PTPRD: variants seen among roughly 807,000 people sequenced by gnomAD.
The protein encoded by PTPRD is protein tyrosine phosphatase receptor type D.
Under a neutral mutation model 214.5 loss-of-function variants are expected in PTPRD, and 34 were observed. The observed-to-expected ratio is 0.16, with a 90% confidence interval of 0.12 to 0.21. PTPRD has a LOEUF of 0.21. Ranked by LOEUF, PTPRD falls within the 10% of genes least tolerant of loss-of-function variation. PTPRD has a pLI of 1.00. For synonymous variants in PTPRD, 1,128 were observed against 845.7 expected (o/e 1.33, Z -5.79); for missense variants, 2,545 against 2,398.7 (o/e 1.06, Z -1.27).
chr9:10,588,251 C>G (rs76540752), intron 2 of PTPRD, among the ~76,000 whole-genome samples: 3,280 of 152,004 alleles, frequency 0.022, 118 homozygotes, highest in African/African-American at 0.075. Flanking sequence ...TTTGTTGACT[C>G]CAAGGTTTGT....
intron 2 of PTPRD, among the ~76,000 whole-genome samples, chr9:10,375,717 C>T (rs1318658519): frequency 6.6e-6 from 1 of 151,884 alleles, no homozygotes; most frequent in Non-Finnish European, 1.5e-5. Context: ...GAGAAGAGTA[C>T]TTGAAGTTAT....
At chr9:8,893,172 G>A (rs1404022693) in intron 11 of PTPRD, among the ~76,000 whole-genome samples, 1 of 151,936 alleles carries the variant, frequency 6.6e-6, no homozygotes, top group East Asian at 1.9e-4. Context: ...AAATAGGAAC[G>A]GACCAAGAGA....
At chr9:8,362,147 G>C (rs888793206) in intron 39 of PTPRD, among the ~76,000 whole-genome samples, 10 of 152,186 alleles carry the variant, frequency 6.6e-5, no homozygotes, top group Non-Finnish European at 1.2e-4. Context: ...TATTATCTCA[G>C]ATTTTAAAGA....
intron 12 of PTPRD, among the ~76,000 whole-genome samples, chr9:8,727,791 T>C (rs1020323492): frequency 2.0e-5 from 3 of 152,182 alleles, no homozygotes; most frequent in African/African-American, 7.2e-5. Context: ...TAGCTAGGAC[T>C]ACAGATATGT....
intron 5 of PTPRD, among the ~76,000 whole-genome samples, chr9:9,863,248 G>C (rs1211200936): frequency 6.6e-6 from 1 of 152,174 alleles, no homozygotes; most frequent in Non-Finnish European, 1.5e-5. Context: ...GACAAAGACA[G>C]AATGGAAGTG....
chr9:8,490,053 T>C (rs1464587541), intron 27 of PTPRD, among the ~76,000 whole-genome samples: 3 of 152,172 alleles, frequency 2.0e-5, no homozygotes, highest in Non-Finnish European at 4.4e-5. Context: ...ACTACTTTTA[T>C]AAGTCATGCC....
chr9:10,145,036 C>G (rs187713028), intron 3 of PTPRD, among the ~76,000 whole-genome samples: 3 of 151,894 alleles, frequency 2.0e-5, no homozygotes, highest in Non-Finnish European at 4.4e-5. Flanking sequence ...AATAAACACA[C>G]CGATTTTTCA....
intron 7 of PTPRD, among the ~76,000 whole-genome samples, chr9:9,593,855 CAGA>C (rs934017222): frequency 2.6e-5 from 4 of 152,102 alleles, no homozygotes; most frequent in African/African-American, 9.6e-5. Context: ...ACTAATTGTG[CAGA>C]AGGAGTGACA....
chr9:10,036,419 T>C (rs1018855833), intron 3 of PTPRD, among the ~76,000 whole-genome samples: 1 of 151,780 alleles, frequency 6.6e-6, no homozygotes, highest in African/African-American at 2.4e-5. Context: ...TTAAGCATCA[T>C]ACTCAGATCA....
intron 21 of PTPRD, among the ~76,000 whole-genome samples, chr9:8,511,963 C>G (rs1446489038): frequency 5.3e-5 from 8 of 151,944 alleles, no homozygotes; most frequent in Admixed American, 3.9e-4. Context: ...TTATCAGATG[C>G]TGATATATTA....
At chr9:9,554,091 C>T (rs539078014) in intron 8 of PTPRD, among the ~76,000 whole-genome samples, 13 of 152,106 alleles carry the variant, frequency 8.5e-5, no homozygotes, top group Non-Finnish European at 1.5e-4. Flanking sequence ...TCACCTTTTA[C>T]GCTTTCATAT....
intron 7 of PTPRD, among the ~76,000 whole-genome samples, chr9:9,618,384 T>TAAAA (rs1250038696): frequency 4.7e-4 from 71 of 151,494 alleles, no homozygotes; most frequent in African/African-American, 1.7e-3. Flanking sequence ...ACCTATGGAT[T>TAAAA]AAGAAAAAAA....
At chr9:8,878,576 G>A (rs1169846192) in intron 11 of PTPRD, among the ~76,000 whole-genome samples, 4 of 151,556 alleles carry the variant, frequency 2.6e-5, no homozygotes, top group East Asian at 3.9e-4. Context: ...GACTAGCCTC[G>A]AGTGCAGCAG....
At chr9:9,435,390 G>A (rs2084834929) in intron 8 of PTPRD, among the ~76,000 whole-genome samples, 1 of 123,962 alleles carries the variant, frequency 8.1e-6, no homozygotes, top group Admixed American at 7.6e-5. Flanking sequence ...CAGGCATGGT[G>A]GCATGTGCCT....
At chr9:10,544,658 T>C (rs1005857283) in intron 2 of PTPRD, among the ~76,000 whole-genome samples, 2 of 152,176 alleles carry the variant, frequency 1.3e-5, no homozygotes, top group African/African-American at 4.8e-5. Context: ...GGTCAGACAA[T>C]CATTTTAAAG....
intron 4 of PTPRD, among the ~76,000 whole-genome samples, chr9:10,027,611 G>C (rs533833499): frequency 1.3e-5 from 2 of 152,194 alleles, no homozygotes; most frequent in African/African-American, 4.8e-5. Context: ...ACAATATATG[G>C]CACATAAGGT....
chr9:9,161,298 T>C (rs1045458959), intron 10 of PTPRD, among the ~76,000 whole-genome samples: 26 of 152,124 alleles, frequency 1.7e-4, no homozygotes, highest in Non-Finnish European at 3.5e-4. Context: ...TAGTGACCTG[T>C]AGTGTAGACA....
At chr9:8,994,958 A>G (rs1424932903) in intron 11 of PTPRD, among the ~76,000 whole-genome samples, 1 of 152,038 alleles carries the variant, frequency 6.6e-6, no homozygotes, top group African/African-American at 2.4e-5. Context: ...GATTGGTGTA[A>G]TTTTCAAATC....
intron 10 of PTPRD, among the ~76,000 whole-genome samples, chr9:9,112,997 T>G (rs1178253105): frequency 1.3e-5 from 2 of 151,742 alleles, no homozygotes; most frequent in East Asian, 1.9e-4. Flanking sequence ...CAGAGTCTCT[T>G]TCTGTCACCT....
Sources: gnomAD v4.1 joint callset for allele counts (sites outside exome capture counted in the v4.1 genomes callset) on GRCh38, gnomAD v4.1.1 for gene constraint, MANE v1.5 for transcripts, NCBI Gene and HGNC (gene_info 2026-07-23, HGNC 2026-07-21) for gene names.